The following LRRTM4 variants were observed in gnomAD, a reference collection of about 807,000 sequenced individuals.
LRRTM4 encodes the protein leucine rich repeat transmembrane neuronal 4, also known as leucine-rich repeat transmembrane neuronal protein 4.
In LRRTM4, 25 loss-of-function variants were observed where a neutral mutation model predicts 47.6. The ratio of observed to expected loss-of-function variants is 0.53; its 90% CI spans 0.38 to 0.73. The LOEUF (loss-of-function observed/expected upper bound fraction) is 0.73. Among genes scored for constraint, LRRTM4 ranks in the 30% least tolerant of loss-of-function variants. The pLI, the probability that LRRTM4 is intolerant of heterozygous loss-of-function variation, is 0.00. For synonymous variants in LRRTM4, 311 were observed against 269.5 expected, an observed-to-expected ratio of 1.15 and a Z score of -1.51; for missense variants, 638 against 713.4, an observed-to-expected ratio of 0.89 and a Z score of 1.20.
At chr2:77,420,830 A>T (rs1674848006) in intron 3 of LRRTM4, among the ~76,000 whole-genome samples, 1 of 146,234 alleles carries the variant, frequency 6.8e-6, no homozygotes, top group Non-Finnish European at 1.5e-5. Context: ...TACCCTTAAG[A>T]CTTAAGTCTT....
chr2:76,833,228 A>C lies in LRRTM4; in HGVS notation c.1552-84312T>G, dbSNP rs145130349. On this transcript the variant is annotated intron_variant, in intron 3 of 3. Transcript: ENST00000409884. ...AAGGGAGTGATCATAAAGGGTGAAG[A>C]GTTTTATTTTAAAGCTCCTATTTTC... 9.3e-4 allele frequency among the ~76,000 whole-genome samples: 141 copies of C among 152,230 alleles called. 3 individuals carry two copies. The East Asian group carries it at 0.018, about 19-fold the overall frequency.
At chr2:77,078,452 T>C (rs1242354602) in intron 3 of LRRTM4, among the ~76,000 whole-genome samples, 1 of 151,834 alleles carries the variant, frequency 6.6e-6, no homozygotes, top group Non-Finnish European at 1.5e-5. Context: ...AACAGAGGAA[T>C]TAGCGATAAA....
chr2:77,017,892 C>T (rs561198599), intron 3 of LRRTM4, among the ~76,000 whole-genome samples: 7 of 145,624 alleles, frequency 4.8e-5, no homozygotes, highest in Non-Finnish European at 1.1e-4. Flanking sequence ...TATTAGAAAG[C>T]GTCTTTCTTT....
rs1680485485 is a variant in LRRTM4 at position 77,080,189 on chromosome 2, T to C, written c.1552-331273A>G. 1.3e-5 allele frequency among the ~76,000 whole-genome samples: 2 copies of C among 152,204 alleles called. 1 individual carries two copies. The highest frequency in any genetic ancestry group is 2.9e-5 in the Non-Finnish European group (2 of 68,024). On this transcript the variant is annotated intron_variant, in intron 3 of 3. Coordinates refer to ENST00000409884, the MANE Select transcript of LRRTM4 (RefSeq NM_001134745.3). ...CATTTGAAAAACTTAATAACTCCCTTGAAATTCTTTCTGTACTTGGCTTCT... is the reference window on the plus strand; with the variant it reads ...CATTTGAAAAACTTAATAACTCCCTCGAAATTCTTTCTGTACTTGGCTTCT...
At chr2:76,797,695 A>T (rs1482605200) in intron 3 of LRRTM4, among the ~76,000 whole-genome samples, 1 of 151,470 alleles carries the variant, frequency 6.6e-6, no homozygotes, top group South Asian at 2.1e-4. Flanking sequence ...GTCAAGACCC[A>T]TCAGTGTGCT....
intron 3 of LRRTM4, among the ~76,000 whole-genome samples, chr2:77,290,822 T>C (rs1234098585): frequency 6.6e-6 from 1 of 152,072 alleles, no homozygotes; most frequent in Admixed American, 6.6e-5. Flanking sequence ...TTTTTAAAAA[T>C]TTTCCAGCCA....
At chr2:76,834,543 C>T (rs1671454035) in intron 3 of LRRTM4, among the ~76,000 whole-genome samples, 1 of 151,862 alleles carries the variant, frequency 6.6e-6, no homozygotes, top group African/African-American at 2.4e-5. Context: ...CTTCATTTGA[C>T]AACGTATTTA....
intron 3 of LRRTM4, among the ~76,000 whole-genome samples, chr2:77,248,567 T>C (rs1675514661): frequency 1.3e-5 from 2 of 152,102 alleles, no homozygotes; most frequent in Admixed American, 1.3e-4. Flanking sequence ...TACAGACAGA[T>C]AAAAGACACT....
chr2:77,079,223 T>A (rs1203480226), intron 3 of LRRTM4, among the ~76,000 whole-genome samples: 1 of 152,216 alleles, frequency 6.6e-6, no homozygotes. Context: ...TATTTAACAT[T>A]TCAACTTTTT....
chr2:77,459,058 T>A (rs1676674865), intron 3 of LRRTM4, among the ~76,000 whole-genome samples: 1 of 152,038 alleles, frequency 6.6e-6, no homozygotes, highest in South Asian at 2.1e-4. Flanking sequence ...CTGAAATACA[T>A]CACAATCTGT....
At chr2:76,801,044 A>T (rs1186634754) in intron 3 of LRRTM4, among the ~76,000 whole-genome samples, 3 of 148,620 alleles carry the variant, frequency 2.0e-5, no homozygotes, top group African/African-American at 7.5e-5. Flanking sequence ...GAGAAATAGG[A>T]ACACTTTTAC....
chr2:76,936,131 A>G (rs183965095), intron 3 of LRRTM4, among the ~76,000 whole-genome samples: 7 of 152,308 alleles, frequency 4.6e-5, no homozygotes, highest in Non-Finnish European at 8.8e-5. Flanking sequence ...ATAAGGAAAC[A>G]TGCTCACGTA....
chr2:76,907,803 A>C (rs1223422567), intron 3 of LRRTM4, among the ~76,000 whole-genome samples: 1 of 136,406 alleles, frequency 7.3e-6, no homozygotes, highest in Non-Finnish European at 1.5e-5. Context: ...GAAGAAGTTG[A>C]ATCTCTGAAT....
chr2:77,144,734 G>C (rs1672210982), intron 3 of LRRTM4, among the ~76,000 whole-genome samples: 1 of 152,060 alleles, frequency 6.6e-6, no homozygotes, highest in Non-Finnish European at 1.5e-5. Context: ...CTGTGTGATA[G>C]CCTATAGACT....
intron 3 of LRRTM4, among the ~76,000 whole-genome samples, chr2:77,181,097 G>C (rs1673335201): frequency 6.6e-6 from 1 of 152,132 alleles, no homozygotes; most frequent in Non-Finnish European, 1.5e-5. Context: ...AGTAGAAATT[G>C]ATTCTAGCAA....
At chr2:77,130,217 AAAGTAT>A (rs1019646796) in intron 3 of LRRTM4, among the ~76,000 whole-genome samples, 35 of 152,322 alleles carry the variant, frequency 2.3e-4, no homozygotes, top group African/African-American at 7.9e-4. Context: ...CTTCACACAA[AAAGTAT>A]AAGTATAATT....
chr2:77,518,206 A>C, intron 3 of LRRTM4, 112 bp downstream of exon 3: 1 of 1,375,708 alleles, frequency 7.3e-7, no homozygotes, highest in African/African-American at 1.5e-5. Flanking sequence ...GCAAAACCCA[A>C]AAGCAAAAGG....
chr2:76,972,428 T>G (rs898875869), intron 3 of LRRTM4, among the ~76,000 whole-genome samples: 2 of 145,054 alleles, frequency 1.4e-5, no homozygotes, highest in African/African-American at 5.2e-5. Context: ...TTTTTTTTTT[T>G]TTTTTTTGAG....
chr2:77,465,487 C>A (rs1676949215), intron 3 of LRRTM4, among the ~76,000 whole-genome samples: 3 of 151,972 alleles, frequency 2.0e-5, no homozygotes, highest in Admixed American at 2.0e-4. Context: ...TGTTCTAGTC[C>A]CTCTACCAAG....
Sources: allele counts gnomAD v4.1 joint callset (sites outside exome capture counted in the v4.1 genomes callset), GRCh38; gene constraint gnomAD v4.1.1; transcripts MANE v1.5; gene names NCBI Gene and HGNC (gene_info 2026-07-23, HGNC 2026-07-21).